DPYSL2: variants seen among roughly 807,000 people sequenced by gnomAD.
The protein encoded by DPYSL2 is dihydropyrimidinase-related protein 2.
Under a neutral mutation model 69.9 loss-of-function variants are expected in DPYSL2, and 13 were observed. The ratio of observed to expected loss-of-function variants is 0.19; its 90% CI spans 0.12 to 0.30. The LOEUF is 0.30. Ranked by LOEUF, DPYSL2 falls within the 10% of genes least tolerant of loss-of-function variation. The probability of loss-of-function intolerance (pLI) is 1.00; values close to 1 mark genes in which losing one functional copy is unlikely to be tolerated. For missense variants in DPYSL2, 587 were observed against 918.9 expected, an observed-to-expected ratio of 0.64 and a Z score of 4.67; for synonymous variants, 326 against 359.1, an observed-to-expected ratio of 0.91 and a Z score of 1.04.
At chr8:26,630,020 TAC>T (rs941878323) in intron 7 of DPYSL2, among the ~76,000 whole-genome samples, 3 of 152,180 alleles carry the variant, frequency 2.0e-5, no homozygotes, top group East Asian at 1.9e-4. Flanking sequence ...CATGCACGTG[TAC>T]ACACACAGAC....
At position 26,598,118 on chromosome 8, in the gene DPYSL2, C is replaced by T. The variant is rs1163660922; in HGVS notation, c.628+14135C>T. ...CAGGGAGGTGGTGGCTATGGCAGGG[C>T]TTGGACAAATTACATGTATGGGGGA... is the stretch of plus-strand genomic sequence containing the variant. On this transcript the variant is annotated intron_variant, in intron 3 of 13. Transcript: ENST00000521913. This position sits in a 1 kb window ranked among gnomAD's most constrained non-coding sequence, Gnocchi z 4.2. Among the ~76,000 whole-genome samples the T allele has an allele frequency of 6.6e-6, 1 of 152,116 alleles. No homozygotes were observed. The highest frequency in any genetic ancestry group is 2.4e-5 in the African/African-American group (1 of 41,424).
At chr8:26,567,053 C>T (rs1801161484) in intron 1 of DPYSL2, among the ~76,000 whole-genome samples, 1 of 151,884 alleles carries the variant, frequency 6.6e-6, no homozygotes, top group Admixed American at 6.6e-5. Flanking sequence ...CCTACCCACT[C>T]AGCCATCCAT....
chr8:26,651,261 T>A (rs1384266101), intron 11 of DPYSL2, among the ~76,000 whole-genome samples: 1 of 152,214 alleles, frequency 6.6e-6, no homozygotes, highest in Non-Finnish European at 1.5e-5. Flanking sequence ...TGATGTGAGC[T>A]GCTGAGCTGG....
intron 1 of DPYSL2, among the ~76,000 whole-genome samples, chr8:26,555,884 G>T (rs1354672893): frequency 2.8e-5 from 4 of 141,584 alleles, no homozygotes; most frequent in Non-Finnish European, 6.0e-5. Context: ...ATATATACTT[G>T]TATATGTAGT....
At chr8:26,655,498 A>G (rs544563263) in intron 13 of DPYSL2, 117 bp from the exon 14 acceptor site, 3 of 934,638 alleles carry the variant, frequency 3.2e-6, no homozygotes, top group Non-Finnish European at 4.7e-6. Flanking sequence ...GCTGTCTCCA[A>G]AAAAAAAGAA....
chr8:26,524,503 A>G (rs11986193), intron 1 of DPYSL2, among the ~76,000 whole-genome samples: 400 of 152,248 alleles, frequency 2.6e-3, no homozygotes, highest in African/African-American at 9.3e-3. Flanking sequence ...AATTCCCATT[A>G]AAAATGAATG....
rs764055344 is a variant in DPYSL2, at chr8:26,647,587, T to G, written c.1426-43T>G. 1.3e-6 allele frequency: 2 copies of G among 1,553,374 alleles called. No homozygotes were observed. The highest frequency in any genetic ancestry group is 4.6e-5 in the East Asian group (2 of 43,926). ...TTGAAAAGTAACTTTTTAACTCGTT[T>G]CTGCTGTGTGCCTCCTGTGCACACC... is the stretch of plus-strand genomic sequence containing the variant. On this transcript the variant is annotated intron_variant, in intron 10 of 13. Transcript: ENST00000521913. This position sits in a 1 kb window ranked among gnomAD's most constrained non-coding sequence, Gnocchi z 5.1.
chr8:26,578,913 G>A (rs1399633101), intron 1 of DPYSL2, among the ~76,000 whole-genome samples: 1 of 151,984 alleles, frequency 6.6e-6, no homozygotes, highest in Non-Finnish European at 1.5e-5. Context: ...AAGGCGGGGG[G>A]CAAGGCGGGG....
intron 1 of DPYSL2, among the ~76,000 whole-genome samples, chr8:26,535,904 G>GTGTC (rs1418386890): frequency 1.9e-5 from 2 of 106,116 alleles, no homozygotes; most frequent in East Asian, 4.0e-4. Context: ...TGGGTTGTGT[G>GTGTC]TGTGTGTGTG....
intron 1 of DPYSL2, among the ~76,000 whole-genome samples, chr8:26,529,171 T>C (rs1048704034): frequency 2.0e-5 from 3 of 152,176 alleles, no homozygotes; most frequent in East Asian, 1.9e-4. Flanking sequence ...ATGGCACTAC[T>C]AGCTGGCAAT....
In DPYSL2 at chr8:26,647,869, AG is replaced by A; in HGVS notation, c.1596+70del. ...GTCACAGAGACACAGACGGAGGGAG[AG>A]CCCCAGGGTTTCTAAAAAGAACTTG... On this transcript the variant is annotated intron_variant, in intron 11 of 13. Coordinates refer to ENST00000521913, the MANE Select transcript of DPYSL2 (RefSeq NM_001197293.3). This position sits in a 1 kb window ranked among gnomAD's most constrained non-coding sequence, Gnocchi z 5.1. The A allele has an allele frequency of 6.7e-7, 1 of 1,497,110 alleles. No individual in the cohort carries two copies. The highest frequency in any genetic ancestry group is 1.3e-5 in the South Asian group (1 of 74,240). 92.7% of individuals were successfully genotyped at this position (1,497,110 alleles called of 1,614,324 possible). A position where few individuals can be genotyped will look rare whatever the true frequency, so the allele number is the denominator to read the frequency against.
intron 3 of DPYSL2, among the ~76,000 whole-genome samples, chr8:26,602,138 ATTTTTTTT>A (rs374443692): frequency 1.5e-5 from 2 of 135,302 alleles, no homozygotes; most frequent in African/African-American, 2.7e-5. Context: ...AACAAAGGAA[ATTTTTTTT>A]TTTTTTTTTT....
intron 8 of DPYSL2, among the ~76,000 whole-genome samples, chr8:26,639,698 G>A (rs1802997377): frequency 6.6e-6 from 1 of 152,130 alleles, no homozygotes; most frequent in East Asian, 1.9e-4. Flanking sequence ...TTACAAAAAT[G>A]TTTAAGGTAT....
rs1159587893 is a variant in DPYSL2 at position 26,598,729 on chromosome 8, G to A, written c.628+14746G>A. ...ACCAAAATCTCTCTGTTCCTTGTGG[G>A]TGGATGGGAGCCTGACACCTGATTA... On this transcript the variant is annotated intron_variant, in intron 3 of 13. Coordinates refer to ENST00000521913, the MANE Select transcript of DPYSL2 (RefSeq NM_001197293.3). This position sits in a 1 kb window ranked among gnomAD's most constrained non-coding sequence, Gnocchi z 4.2. Among the ~76,000 whole-genome samples, 1 of 152,150 alleles carries A rather than the reference G, an allele frequency of 6.6e-6. No homozygotes were observed. The highest frequency in any genetic ancestry group is 1.5e-5 in the Non-Finnish European group (1 of 68,036).
chr8:26,556,010 A>T (rs1447273943), intron 1 of DPYSL2, among the ~76,000 whole-genome samples: 1 of 74,590 alleles, frequency 1.3e-5, no homozygotes, highest in African/African-American at 6.9e-5. Flanking sequence ...AGTATATATT[A>T]TATATATAAA....
At position 26,609,379 on chromosome 8, in the gene DPYSL2, T is replaced by C. The variant is rs183512118; in HGVS notation, c.629-14764T>C. ...TCTGCACGTTGTGTATGTAAGTAGA[T>C]GTTCTTCTGTGGGGGCTGCAAGTCC... On this transcript the variant is annotated intron_variant, in intron 3 of 13. Transcript: ENST00000521913. The surrounding 1 kb of genome is among the most constrained non-coding windows in gnomAD (Gnocchi z 6.5). Among the ~76,000 whole-genome samples the C allele has an allele frequency of 6.6e-6, 1 of 152,320 alleles. No individual in the cohort carries two copies. The highest frequency in any genetic ancestry group is 1.9e-4 in the East Asian group (1 of 5,180).
Position 26,627,142 on chromosome 8 carries a change from G to T in DPYSL2, c.856-73G>T. The T allele has an allele frequency of 1.4e-6, 2 of 1,402,850 alleles. No individual in the cohort carries two copies. Among genetic ancestry groups the T allele is most frequent in the Non-Finnish European group, 2.0e-6 (2 of 990,330 alleles). 86.9% of individuals were successfully genotyped at this position (1,402,850 alleles called of 1,614,324 possible). On this transcript the variant is annotated intron_variant, in intron 5 of 13. Coordinates refer to ENST00000521913, the MANE Select transcript of DPYSL2 (RefSeq NM_001197293.3). This position sits in a 1 kb window ranked among gnomAD's most constrained non-coding sequence, Gnocchi z 6.9. ...TTCTCATCCCAGAAATGCCTCTGGTGGGGAGATGATTGTCTTTGTGAACAG... is the reference window on the plus strand; with the variant it reads ...TTCTCATCCCAGAAATGCCTCTGGTTGGGAGATGATTGTCTTTGTGAACAG...
At chr8:26,522,119 C>T (rs1166327523) in intron 1 of DPYSL2, among the ~76,000 whole-genome samples, 2 of 152,136 alleles carry the variant, frequency 1.3e-5, no homozygotes, top group Non-Finnish European at 2.9e-5. Context: ...ATCAGCCTAG[C>T]CAACATGGTG....
In DPYSL2 at chr8:26,643,850, G is replaced by C; in HGVS notation, c.1284-100G>C. 1 of 1,459,482 alleles carries C rather than the reference G, an allele frequency of 6.9e-7. No homozygotes were observed. Among genetic ancestry groups the C allele is most frequent in the Non-Finnish European group, 9.2e-7 (1 of 1,084,096 alleles). The allele number at this position is 1,459,482 out of a possible 1,614,324, so 90.4% of individuals were successfully genotyped here. On this transcript the variant is annotated intron_variant, in intron 9 of 13. Transcript: ENST00000521913. This position sits in a 1 kb window ranked among gnomAD's most constrained non-coding sequence, Gnocchi z 6.5. Reference sequence around the variant, plus strand: ...AGGAGGCGTCAAAAGGACTCCACTTGGGTTGGTGTGATGCCATTCATGAGA... The same window carrying C: ...AGGAGGCGTCAAAAGGACTCCACTTCGGTTGGTGTGATGCCATTCATGAGA...
Sources: gnomAD v4.1 joint callset for allele counts (sites outside exome capture counted in the v4.1 genomes callset) on GRCh38, gnomAD v4.1.1 for gene constraint, Gnocchi (gnomAD v3.1) non-coding constraint, MANE v1.5 for transcripts, NCBI Gene and HGNC (gene_info 2026-07-23, HGNC 2026-07-21) for gene names.